Variants in BACH2 observed in about 807,000 individuals in gnomAD.
BACH2 encodes the protein BACH transcriptional regulator 2, also known as transcription regulator protein BACH2.
BACH2 carries 5 observed loss-of-function variants against 61.8 expected under a neutral mutation model. The ratio of observed to expected loss-of-function variants is 0.08; its 90% CI spans 0.04 to 0.17. The LOEUF (loss-of-function observed/expected upper bound fraction) is 0.17. Ranked by LOEUF, BACH2 falls within the 10% of genes least tolerant of loss-of-function variation. The pLI, the probability that BACH2 is intolerant of heterozygous loss-of-function variation, is 1.00. For missense variants in BACH2, 824 were observed against 1,091.1 expected (o/e 0.76, Z 3.45); for synonymous variants, 446 against 440.1 (o/e 1.01, Z -0.17).
At chr6:90,116,782 G>T in intron 4 of BACH2, 1 of 471,612 alleles carries the variant, frequency 2.1e-6, no homozygotes, top group East Asian at 5.2e-5. Context: ...CGCCTACAGT[G>T]ACAGAATAGG....
chr6:89,997,692 A>G (rs1223843553), intron 6 of BACH2, among the ~76,000 whole-genome samples: 2 of 152,166 alleles, frequency 1.3e-5, no homozygotes, highest in Non-Finnish European at 2.9e-5. Flanking sequence ...TCTTTTCTTA[A>G]CTATCATACA....
At chr6:90,028,518 A>G (rs2127787043) in intron 5 of BACH2, among the ~76,000 whole-genome samples, 1 of 152,340 alleles carries the variant, frequency 6.6e-6, no homozygotes, top group African/African-American at 2.4e-5. Flanking sequence ...AGGATCCTGC[A>G]GTGGTGACAG....
intron 5 of BACH2, among the ~76,000 whole-genome samples, chr6:90,010,815 A>G (rs1777664790): frequency 6.6e-6 from 1 of 152,100 alleles, no homozygotes; most frequent in Admixed American, 6.5e-5. Flanking sequence ...TTTTGGGTTT[A>G]ATTTGCTTTC....
chr6:89,938,008 A>C, intron 8 of BACH2, 136 bp downstream of exon 8: 1 of 783,938 alleles, frequency 1.3e-6, no homozygotes, highest in Non-Finnish European at 2.1e-6. Context: ...ATTTCTGTTG[A>C]GAAACTTCTT....
chr6:90,098,055 A>C (rs1782452246), intron 4 of BACH2, among the ~76,000 whole-genome samples: 1 of 152,192 alleles, frequency 6.6e-6, no homozygotes, highest in African/African-American at 2.4e-5. Context: ...AACCCAGTAC[A>C]TCACAGCCTT....
At position 90,188,465 on chromosome 6, in the gene BACH2, G is replaced by A. The variant is rs543630776; in HGVS notation, c.-162+18104C>T. On this transcript the variant is annotated intron_variant, in intron 4 of 8. Transcript: ENST00000257749. Reference sequence around the variant, plus strand: ...TGAGGGTGCTCATTATTTGGTACCCGGGCACTGATTTATTCATATCTATTA... The same window carrying A: ...TGAGGGTGCTCATTATTTGGTACCCAGGCACTGATTTATTCATATCTATTA... 2.2e-4 allele frequency among the ~76,000 whole-genome samples: 34 copies of A among 151,616 alleles called. 1 individual carries two copies. The South Asian group carries it at 6.7e-3, about 30-fold the overall frequency.
chr6:89,981,935 A>G (rs560419489), intron 6 of BACH2, among the ~76,000 whole-genome samples: 1 of 152,136 alleles, frequency 6.6e-6, no homozygotes, highest in East Asian at 1.9e-4. Context: ...GCAGGAGGGG[A>G]AGTGATGGGT....
At chr6:90,042,961 AT>A (rs1440587436) in intron 5 of BACH2, among the ~76,000 whole-genome samples, 11 of 152,206 alleles carry the variant, frequency 7.2e-5, no homozygotes, top group Non-Finnish European at 1.6e-4. Flanking sequence ...CCACGGCCTG[AT>A]TTGGCATGAA....
chr6:90,004,645 C>T (rs1777311128), intron 6 of BACH2, among the ~76,000 whole-genome samples: 1 of 152,302 alleles, frequency 6.6e-6, no homozygotes, highest in Middle Eastern at 3.4e-3. Flanking sequence ...ACTTGACACG[C>T]CATAAGACTG....
intron 4 of BACH2, among the ~76,000 whole-genome samples, chr6:90,188,132 C>T (rs370260158): frequency 4.8e-4 from 73 of 152,338 alleles, no homozygotes; most frequent in African/African-American, 1.7e-3. Context: ...TCAGGCTCCC[C>T]AACTCCTTTT....
intron 5 of BACH2, among the ~76,000 whole-genome samples, chr6:90,031,898 G>C (rs1011175221): frequency 6.6e-6 from 1 of 152,164 alleles, no homozygotes; most frequent in African/African-American, 2.4e-5. Flanking sequence ...GCATTGCCAA[G>C]TCAATCCTAA....
chr6:90,194,237 TTC>T (rs1461402298), intron 4 of BACH2, among the ~76,000 whole-genome samples: 1 of 152,172 alleles, frequency 6.6e-6, no homozygotes, highest in African/African-American at 2.4e-5. Flanking sequence ...ACAGAATACC[TTC>T]TGTTTGAATA....
intron 4 of BACH2, among the ~76,000 whole-genome samples, chr6:90,118,881 A>G (rs1783509050): frequency 6.6e-6 from 1 of 152,148 alleles, no homozygotes; most frequent in African/African-American, 2.4e-5. Context: ...GCCATTCACT[A>G]CCTATATCTA....
chr6:89,955,660 G>A (rs1471827236), intron 6 of BACH2, among the ~76,000 whole-genome samples: 1 of 152,188 alleles, frequency 6.6e-6, no homozygotes, highest in Non-Finnish European at 1.5e-5. Flanking sequence ...TGTTACAACA[G>A]GCAGAGGCTT....
At chr6:90,140,997 C>A (rs1207758441) in intron 4 of BACH2, among the ~76,000 whole-genome samples, 2 of 152,096 alleles carry the variant, frequency 1.3e-5, no homozygotes, top group Non-Finnish European at 2.9e-5. Flanking sequence ...AATGAAAAAA[C>A]CTTCAATATC....
At chr6:90,124,659 T>G (rs1039130130) in intron 4 of BACH2, among the ~76,000 whole-genome samples, 1 of 152,202 alleles carries the variant, frequency 6.6e-6, no homozygotes, top group Admixed American at 6.5e-5. Flanking sequence ...GTACCAGAAT[T>G]TACTTAATGA....
chr6:90,200,963 G>A (rs538760291), intron 4 of BACH2, among the ~76,000 whole-genome samples: 51 of 152,242 alleles, frequency 3.3e-4, no homozygotes, highest in African/African-American at 1.2e-3. Flanking sequence ...TATTCTGTGT[G>A]CATACTGTAC....
chr6:89,956,412 A>T (rs1774431191), intron 6 of BACH2, among the ~76,000 whole-genome samples: 1 of 152,194 alleles, frequency 6.6e-6, no homozygotes, highest in South Asian at 2.1e-4. Flanking sequence ...TGAAAGAAAT[A>T]AGGCCAGGGT....
intron 5 of BACH2, among the ~76,000 whole-genome samples, chr6:90,057,597 A>G (rs1033445926): frequency 2.0e-5 from 3 of 152,214 alleles, no homozygotes; most frequent in African/African-American, 7.2e-5. Context: ...CAACAGAAAA[A>G]GAGGGAATCC....
Sources: gnomAD v4.1 joint callset for allele counts (sites outside exome capture counted in the v4.1 genomes callset) on GRCh38, gnomAD v4.1.1 for gene constraint, MANE v1.5 for transcripts, NCBI Gene and HGNC (gene_info 2026-07-23, HGNC 2026-07-21) for gene names.